AGR3: variants seen among roughly 807,000 people sequenced by gnomAD.
AGR3 encodes anterior gradient protein 3.
Under a neutral mutation model 24.5 loss-of-function variants are expected in AGR3, and 37 were observed. The ratio of observed to expected loss-of-function variants is 1.51; its 90% CI spans 1.16 to 1.99. AGR3 has a LOEUF of 1.99. Ranked by LOEUF, AGR3 falls within the 30% of genes most tolerant of loss-of-function variation. The pLI, the probability that AGR3 is intolerant of heterozygous loss-of-function variation, is 0.00. For missense variants in AGR3, 228 were observed against 191.1 expected, an observed-to-expected ratio of 1.19 and a Z score of -1.14; for synonymous variants, 75 against 61.6, an observed-to-expected ratio of 1.22 and a Z score of -1.02.
intron 3 of AGR3, chr7:16,865,938 T>G: frequency 1.4e-6 from 1 of 698,282 alleles, no homozygotes; most frequent in East Asian, 2.7e-5. Flanking sequence ...TTTGGTTGCC[T>G]TTCTAAGACT....
At chr7:16,866,967 CTTTG>C (rs746871780) in intron 3 of AGR3, among the ~76,000 whole-genome samples, 4 of 151,902 alleles carry the variant, frequency 2.6e-5, no homozygotes, top group African/African-American at 4.8e-5. Flanking sequence ...TTCTCCTTTT[CTTTG>C]TTTGGCTATG....
intron 1 of AGR3, among the ~76,000 whole-genome samples, chr7:16,880,487 C>CCT (rs1554282430): frequency 2.4e-4 from 12 of 50,254 alleles, no homozygotes; most frequent in South Asian, 6.8e-4. Context: ...CCTTTCCCCT[C>CCT]CTTTCCCCTC....
In AGR3 at chr7:16,875,620, T is replaced by C. The variant is rs578106120; in HGVS notation, c.110-1777A>G. 3.9e-5 allele frequency among the ~76,000 whole-genome samples: 6 copies of C among 152,290 alleles called. No individual in the cohort carries two copies. In the South Asian group the frequency reaches 1.2e-3, roughly 32 times the overall value. On this transcript the variant is annotated intron_variant, in intron 2 of 7. Coordinates refer to ENST00000310398, the MANE Select transcript of AGR3 (RefSeq NM_176813.5). ...TATATTTTCATTTATCTTGGGTATATACCTAGGAGTGGAACTGCTGATCAA... is the reference window on the plus strand; with the variant it reads ...TATATTTTCATTTATCTTGGGTATACACCTAGGAGTGGAACTGCTGATCAA...
chr7:16,862,050 TTTC>T lies in AGR3; in HGVS notation c.234_236del (p.Lys79del). On this transcript the variant is annotated inframe_deletion, in exon 5 of 8. Transcript: ENST00000310398. ...GTATTTCTTCATTTTGGGCAAATAC[TTTC>T]TTTAGTGCTATAGGGGAAAACAAAA... 1.2e-6 allele frequency: 2 copies of T among 1,613,474 alleles called. No individual in the cohort carries two copies. Among genetic ancestry groups the T allele is most frequent in the Non-Finnish European group, 1.7e-6 (2 of 1,179,550 alleles).
chr7:16,864,942 G>C, intron 3 of AGR3: 1 of 992,808 alleles, frequency 1.0e-6, no homozygotes, highest in Non-Finnish European at 1.6e-6. Context: ...AGTCTATGTA[G>C]TTTTGGTGAA....
At chr7:16,863,129 C>G (rs372126653) in intron 3 of AGR3, among the ~76,000 whole-genome samples, 4 of 152,286 alleles carry the variant, frequency 2.6e-5, no homozygotes, top group African/African-American at 9.6e-5. Context: ...ATCAGAATCT[C>G]TGGGGTTAGG....
intron 3 of AGR3, chr7:16,864,465 A>G (rs1781710305): frequency 4.7e-6 from 6 of 1,276,788 alleles, no homozygotes; most frequent in Admixed American, 1.7e-5. Context: ...GCTGGGCTTC[A>G]TCTCCACTGT....
intron 1 of AGR3, among the ~76,000 whole-genome samples, chr7:16,880,758 G>A (rs1405829686): frequency 6.6e-6 from 1 of 152,056 alleles, no homozygotes; most frequent in Non-Finnish European, 1.5e-5. Flanking sequence ...TTTAAAGACT[G>A]AAACAAATAC....
chr7:16,867,336 T>C (rs558318481), intron 3 of AGR3, among the ~76,000 whole-genome samples: 2 of 152,258 alleles, frequency 1.3e-5, no homozygotes, highest in African/African-American at 4.8e-5. Flanking sequence ...TCCTGTAGTA[T>C]CTATCTATCT....
chr7:16,855,836 C>G (rs1287009155), downstream of AGR3, among the ~76,000 whole-genome samples: 1 of 152,284 alleles, frequency 6.6e-6, no homozygotes, highest in Admixed American at 6.5e-5. Flanking sequence ...GCTTGGCCTA[C>G]TCTTATTAAC....
chr7:16,855,402 T>TA, downstream of AGR3, among the ~76,000 whole-genome samples: 1 of 78,446 alleles, frequency 1.3e-5, no homozygotes, highest in Admixed American at 1.2e-4. Flanking sequence ...ACTTCTAGAA[T>TA]TCATTCCAGA....
At chr7:16,876,440 T>C (rs1386798146) in intron 2 of AGR3, among the ~76,000 whole-genome samples, 1 of 152,122 alleles carries the variant, frequency 6.6e-6, no homozygotes, top group Non-Finnish European at 1.5e-5. Context: ...TATTTTTTTC[T>C]CCCTGAACCT....
At chr7:16,871,912 C>T (rs1038493382) in intron 3 of AGR3, among the ~76,000 whole-genome samples, 1 of 151,966 alleles carries the variant, frequency 6.6e-6, no homozygotes, top group Non-Finnish European at 1.5e-5. Flanking sequence ...GTGAAAGATC[C>T]CTACAAGAAA....
intron 3 of AGR3, among the ~76,000 whole-genome samples, chr7:16,869,774 T>C (rs1197893924): frequency 6.6e-6 from 1 of 151,196 alleles, no homozygotes; most frequent in Non-Finnish European, 1.5e-5. Context: ...TCCATTTACA[T>C]TCAAAGTTTT....
At chr7:16,876,704 A>G (rs974298975) in intron 2 of AGR3, among the ~76,000 whole-genome samples, 1 of 152,242 alleles carries the variant, frequency 6.6e-6, no homozygotes, top group African/African-American at 2.4e-5. Context: ...AGCTAATATC[A>G]GTCATCTTCT....
intron 3 of AGR3, among the ~76,000 whole-genome samples, chr7:16,866,946 T>C (rs931653635): frequency 6.6e-5 from 10 of 152,142 alleles, no homozygotes; most frequent in African/African-American, 2.4e-4. Context: ...TTTTAGACTT[T>C]TTCTTTTATC....
At chr7:16,857,916 CA>C (rs1337089454), downstream of AGR3, among the ~76,000 whole-genome samples, 1 of 151,654 alleles carries the variant, frequency 6.6e-6, no homozygotes, top group African/African-American at 2.4e-5. Flanking sequence ...TTTTATATCA[CA>C]AAGCAATTCA....
At chr7:16,861,354 A>C (rs1781638871) in intron 6 of AGR3, 30 bp downstream of exon 6, 2 of 1,493,972 alleles carry the variant, frequency 1.3e-6, no homozygotes, top group South Asian at 2.6e-5. Context: ...CTAATTTTGT[A>C]GATCTGATGA....
intron 2 of AGR3, among the ~76,000 whole-genome samples, chr7:16,874,109 T>C (rs1356922108): frequency 6.6e-6 from 1 of 152,210 alleles, no homozygotes; most frequent in African/African-American, 2.4e-5. Flanking sequence ...GTTGTTATGA[T>C]TAGAGCTGAT....
Sources: allele counts gnomAD v4.1 joint callset (sites outside exome capture counted in the v4.1 genomes callset), GRCh38; gene constraint gnomAD v4.1.1; transcripts MANE v1.5; gene names NCBI Gene and HGNC (gene_info 2026-07-23, HGNC 2026-07-21).